The following MOB3B variants were observed in gnomAD, a reference collection of about 807,000 sequenced individuals.
MOB3B encodes MOB kinase activator-like 2B.
In MOB3B, 7 loss-of-function variants were observed where a neutral mutation model predicts 18.7. The ratio of observed to expected loss-of-function variants is 0.37; its 90% CI spans 0.21 to 0.70. The LOEUF is 0.70. Ranked by LOEUF, MOB3B falls within the 30% of genes least tolerant of loss-of-function variation. MOB3B has a pLI of 0.52. For missense variants in MOB3B, 253 were observed against 281.3 expected, an observed-to-expected ratio of 0.90 and a Z score of 0.72; for synonymous variants, 111 against 99.9, an observed-to-expected ratio of 1.11 and a Z score of -0.66.
chr9:27,363,165 G>A lies in MOB3B; in HGVS notation c.419-3929C>T, dbSNP rs576897802. Among the ~76,000 whole-genome samples the A allele has an allele frequency of 1.7e-4, 26 of 152,300 alleles. 1 individual carries two copies. The South Asian group carries it at 5.4e-3, about 32-fold the overall frequency. Reference sequence around the variant, plus strand: ...TCCAATCTCCATTACATAACTAAAAGAAAAGGGAATTCCAAATGAGGGCTG... The same window carrying A: ...TCCAATCTCCATTACATAACTAAAAAAAAAGGGAATTCCAAATGAGGGCTG... On this transcript the variant is annotated intron_variant, in intron 2 of 3. Coordinates refer to ENST00000262244, the MANE Select transcript of MOB3B (RefSeq NM_024761.5).
At chr9:27,355,244 A>T (rs1036854245) in intron 3 of MOB3B, among the ~76,000 whole-genome samples, 2 of 152,164 alleles carry the variant, frequency 1.3e-5, no homozygotes, top group African/African-American at 4.8e-5. Context: ...TGGTGGAGGC[A>T]AGGCAGAGGG....
At chr9:27,494,650 G>A (rs1819870903) in intron 1 of MOB3B, among the ~76,000 whole-genome samples, 1 of 152,136 alleles carries the variant, frequency 6.6e-6, no homozygotes, top group Non-Finnish European at 1.5e-5. Context: ...GAGTAGCTGG[G>A]ACTACAGGCA....
chr9:27,422,224 G>T (rs529012006), intron 2 of MOB3B, among the ~76,000 whole-genome samples: 2 of 152,294 alleles, frequency 1.3e-5, no homozygotes, highest in South Asian at 4.1e-4. Flanking sequence ...TTTCAAATAG[G>T]TGGCTGGCTG....
In MOB3B at chr9:27,330,530, C is replaced by A; in HGVS notation, c.*57G>T. On this transcript the variant is annotated 3_prime_UTR_variant, in exon 4 of 4. Transcript: ENST00000262244. ...CAGCCAGGGTGGTCCACCTCCTGCC[C>A]GCTCAGGGCACCAGGAGGAAACAGC... The A allele has an allele frequency of 1.2e-6, 2 of 1,611,994 alleles. No individual in the cohort carries two copies. The highest frequency in any genetic ancestry group is 1.1e-5 in the South Asian group (1 of 90,564).
intron 2 of MOB3B, among the ~76,000 whole-genome samples, chr9:27,425,073 T>C (rs1822306753): frequency 1.3e-5 from 2 of 152,158 alleles, no homozygotes; most frequent in Non-Finnish European, 2.9e-5. Context: ...AGGAAAATCC[T>C]CATTCAAAGT....
chr9:27,422,680 T>C (rs1007162242), intron 2 of MOB3B, among the ~76,000 whole-genome samples: 4 of 152,246 alleles, frequency 2.6e-5, no homozygotes, highest in Non-Finnish European at 5.9e-5. Flanking sequence ...TATTAATGAC[T>C]TTCAAAAAAA....
At chr9:27,416,500 A>G (rs529880902) in intron 2 of MOB3B, among the ~76,000 whole-genome samples, 25 of 149,270 alleles carry the variant, frequency 1.7e-4, no homozygotes, top group Non-Finnish European at 3.4e-4. Context: ...GACTTTAGAT[A>G]TCATTTGGAG....
intron 1 of MOB3B, among the ~76,000 whole-genome samples, chr9:27,520,421 C>T (rs1004570267): frequency 1.3e-5 from 2 of 152,200 alleles, no homozygotes; most frequent in African/African-American, 4.8e-5. Context: ...CTACTGATGA[C>T]AAACTCAGCA....
At chr9:27,411,713 T>C (rs1450103402) in intron 2 of MOB3B, among the ~76,000 whole-genome samples, 1 of 152,150 alleles carries the variant, frequency 6.6e-6, no homozygotes, top group African/African-American at 2.4e-5. Context: ...AGAGGGGATT[T>C]TTAGGGCAGT....
intron 2 of MOB3B, among the ~76,000 whole-genome samples, chr9:27,379,294 A>G (rs1156592249): frequency 6.6e-6 from 1 of 152,194 alleles, no homozygotes; most frequent in Non-Finnish European, 1.5e-5. Flanking sequence ...TGGGGATTCT[A>G]ACGCACCTTT....
At chr9:27,355,836 C>T (rs1021569735) in intron 3 of MOB3B, among the ~76,000 whole-genome samples, 10 of 152,202 alleles carry the variant, frequency 6.6e-5, no homozygotes, top group East Asian at 1.9e-4. Context: ...TTTTTATGCA[C>T]ATAGAATATC....
intron 1 of MOB3B, among the ~76,000 whole-genome samples, chr9:27,463,759 G>A (rs752488897): frequency 5.3e-5 from 8 of 151,638 alleles, no homozygotes; most frequent in Non-Finnish European, 1.0e-4. Flanking sequence ...CCAGGAGTTC[G>A]AGACCAGCCT....
chr9:27,442,446 C>T lies in MOB3B; in HGVS notation c.418+12687G>A, dbSNP rs78060172. Among the ~76,000 whole-genome samples, 922 of 152,346 alleles carry T rather than the reference C, an allele frequency of 6.1e-3. 2 individuals are homozygous for T. Among genetic ancestry groups the T allele is most frequent in the Non-Finnish European group, 9.6e-3 (655 of 68,028 alleles). On this transcript the variant is annotated intron_variant, in intron 2 of 3. Coordinates refer to ENST00000262244, the MANE Select transcript of MOB3B (RefSeq NM_024761.5). ...CATAAGCCAGTTATTTGCCTACTTG[C>T]TCTCAGATCCGTTCTCTATCTTTCC...
At chr9:27,487,907 C>T (rs996549014) in intron 1 of MOB3B, among the ~76,000 whole-genome samples, 2 of 152,166 alleles carry the variant, frequency 1.3e-5, no homozygotes, top group Non-Finnish European at 2.9e-5. Context: ...GTAGATTTCA[C>T]TTCTGACTGT....
chr9:27,484,415 C>T (rs953067631), intron 1 of MOB3B, among the ~76,000 whole-genome samples: 1 of 152,016 alleles, frequency 6.6e-6, no homozygotes, highest in Admixed American at 6.5e-5. Context: ...AAAACTCAGG[C>T]GGGAGTAAGA....
At chr9:27,430,278 C>T (rs1822398592) in intron 2 of MOB3B, among the ~76,000 whole-genome samples, 2 of 152,138 alleles carry the variant, frequency 1.3e-5, no homozygotes. Context: ...ATGGTGCTCT[C>T]CGGCAGCCTC....
intron 1 of MOB3B, among the ~76,000 whole-genome samples, chr9:27,473,860 T>C (rs1294728462): frequency 6.6e-6 from 1 of 152,208 alleles, no homozygotes; most frequent in Non-Finnish European, 1.5e-5. Flanking sequence ...TGTGTTCAAA[T>C]TCTAACCTCC....
At chr9:27,520,023 C>T (rs926483055) in intron 1 of MOB3B, among the ~76,000 whole-genome samples, 8 of 152,076 alleles carry the variant, frequency 5.3e-5, no homozygotes, top group Non-Finnish European at 1.0e-4. Flanking sequence ...TGGGCTCAAT[C>T]GCCTAATGAC....
intron 2 of MOB3B, among the ~76,000 whole-genome samples, chr9:27,427,364 C>T (rs1822349352): frequency 6.6e-6 from 1 of 152,232 alleles, no homozygotes; most frequent in Non-Finnish European, 1.5e-5. Context: ...AACCACGTCA[C>T]CTGCCAGACA....
Sources: allele counts gnomAD v4.1 joint callset (sites outside exome capture counted in the v4.1 genomes callset), GRCh38; gene constraint gnomAD v4.1.1; transcripts MANE v1.5; gene names NCBI Gene and HGNC (gene_info 2026-07-23, HGNC 2026-07-21).